MARK3: variants seen among roughly 807,000 people sequenced by gnomAD.
MARK3 encodes microtubule affinity regulating kinase 3, also known as MAP/microtubule affinity-regulating kinase 3.
MARK3 carries 46 observed loss-of-function variants against 90.1 expected under a neutral mutation model. That is an observed-to-expected ratio of 0.51 (90% CI 0.40 to 0.65). MARK3 has a LOEUF of 0.65. Among genes scored for constraint, MARK3 ranks in the 30% least tolerant of loss-of-function variants. The probability of loss-of-function intolerance (pLI) is 0.00; values close to 1 mark genes in which losing one functional copy is unlikely to be tolerated. For missense variants in MARK3, 818 were observed against 947.2 expected, an observed-to-expected ratio of 0.86 and a Z score of 1.79; for synonymous variants, 321 against 332.6, an observed-to-expected ratio of 0.97 and a Z score of 0.38.
chr14:103,417,651 A>G (rs1027564158), intron 2 of MARK3, among the ~76,000 whole-genome samples: 1 of 152,070 alleles, frequency 6.6e-6, no homozygotes, highest in African/African-American at 2.4e-5. Flanking sequence ...AAAAATCTTC[A>G]TTCTGGAATC....
intron 14 of MARK3, among the ~76,000 whole-genome samples, chr14:103,484,641 G>C (rs1249414936): frequency 6.6e-6 from 1 of 152,196 alleles, no homozygotes; most frequent in Non-Finnish European, 1.5e-5. Context: ...TATAAAAGTT[G>C]CTTTTTTTAG....
At chr14:103,390,142 G>A (rs1438968133) in intron 1 of MARK3, among the ~76,000 whole-genome samples, 1 of 151,880 alleles carries the variant, frequency 6.6e-6, no homozygotes, top group Non-Finnish European at 1.5e-5. Flanking sequence ...CAGCTACTCG[G>A]GAGGCTGAGG....
intron 5 of MARK3, 79 bp from the exon 6 acceptor site, chr14:103,457,063 A>G (rs2093292744): frequency 5.8e-6 from 5 of 859,268 alleles, no homozygotes; most frequent in East Asian, 2.5e-5. Flanking sequence ...GAGCATTGCT[A>G]AAAGTGAAAC....
chr14:103,448,896 G>T lies in MARK3; in HGVS notation c.298-23G>T, dbSNP rs138612585. ...ATAACTTGTGTTGGGGGGATTATGT[G>T]TTTTGTTTGTTTTTTTTTTTAGCTC... On this transcript the variant is annotated intron_variant, in intron 3 of 17. Transcript: ENST00000429436. The T allele has an allele frequency of 5.0e-5, 77 of 1,539,390 alleles. No homozygotes were observed. The African/African-American group carries it at 8.9e-4, about 18-fold the overall frequency.
chr14:103,442,951 C>G (rs1375869404), intron 3 of MARK3, among the ~76,000 whole-genome samples: 3 of 148,802 alleles, frequency 2.0e-5, no homozygotes, highest in Admixed American at 1.3e-4. Flanking sequence ...GTCCCCCCCC[C>G]TCCCACCGAC....
intron 10 of MARK3, among the ~76,000 whole-genome samples, 183 bp from the exon 11 acceptor site, chr14:103,466,896 C>T (rs765411365): frequency 2.0e-5 from 3 of 150,616 alleles, no homozygotes; most frequent in African/African-American, 4.9e-5. Context: ...CCCAGCTACT[C>T]GGGAGGCTGA....
Position 103,503,271 on chromosome 14 carries a change from C to T in MARK3, c.*44C>T, listed in dbSNP as rs756873753. The T allele has an allele frequency of 2.8e-5, 40 of 1,422,396 alleles. No individual in the cohort carries two copies. The highest frequency in any genetic ancestry group is 3.8e-5 in the Non-Finnish European group (39 of 1,024,720). 88.1% of individuals were successfully genotyped at this position (1,422,396 alleles called of 1,614,324 possible). ...AATTAAGTAGCAATTAAAGTGTTTT[C>T]CTGAACACTGATGGAAATGTATAGA... On this transcript the variant is annotated 3_prime_UTR_variant, in exon 18 of 18. Transcript: ENST00000429436.
At chr14:103,494,703 C>G (rs1188934279) in intron 15 of MARK3, among the ~76,000 whole-genome samples, 1 of 152,068 alleles carries the variant, frequency 6.6e-6, no homozygotes. Context: ...GTGGCATGAT[C>G]TCAGCCCATG....
At chr14:103,486,611 ATAT>A (rs554044139) in intron 14 of MARK3, among the ~76,000 whole-genome samples, 5 of 151,904 alleles carry the variant, frequency 3.3e-5, no homozygotes, top group African/African-American at 7.2e-5. Flanking sequence ...CTGGGGGGAA[ATAT>A]TATTCGAATT....
At position 103,467,184 on chromosome 14, in the gene MARK3, C is replaced by T. The variant is rs1014056210; in HGVS notation, c.1103C>T (p.Ser368Phe). 18 of 1,538,048 alleles carry T rather than the reference C, an allele frequency of 1.2e-5. No individual in the cohort carries two copies. The highest frequency in any genetic ancestry group is 1.4e-5 in the Non-Finnish European group (16 of 1,116,734). Residue 368 changes from serine (S) to phenylalanine (F), a missense_variant, in exon 11 of 18, where the codon TCT (serine) becomes TTT (phenylalanine). By Grantham distance (155) the Ser-to-Phe change is radical (BLOSUM62 -2). This residue lies in a region of MARK3 where 560 missense variants were observed against 613.5 expected (regional missense o/e 0.91). Transcript: ENST00000429436. Reference protein sequence around the residue: ...TATYLLLGRKSSELDASDSSS... With the variant: ...TATYLLLGRKFSELDASDSSS... ...ACATATTTGTTATTGGGGAGAAAATCTTCAGAGGTAAGAGTAATCAGAAAG... is the reference window on the plus strand; with the variant it reads ...ACATATTTGTTATTGGGGAGAAAATTTTCAGAGGTAAGAGTAATCAGAAAG...
At position 103,460,186 on chromosome 14, in the gene MARK3, C is replaced by T. The variant is rs539032148; in HGVS notation, c.484-2219C>T. 3.8e-3 allele frequency among the ~76,000 whole-genome samples: 532 copies of T among 140,160 alleles called. 1 individual carries two copies. Among genetic ancestry groups the T allele is most frequent in the African/African-American group, 0.013 (507 of 38,638 alleles). The allele number at this position is 140,160 out of a possible 152,430, so 92.0% of individuals were successfully genotyped here. ...CTGCAAGCTCCGCCCCCTGGGTTCA[C>T]GCCATTCTTCTGCCTCAGCCTCCCA... On this transcript the variant is annotated intron_variant, in intron 6 of 17. Coordinates refer to ENST00000429436, the MANE Select transcript of MARK3 (RefSeq NM_001128918.3).
rs1488104707 is a variant in MARK3 at position 103,475,168 on chromosome 14, G to T, written c.1440G>T (p.Lys480Asn). 1 of 1,613,954 alleles carries T rather than the reference G, an allele frequency of 6.2e-7. No individual in the cohort carries two copies. Among genetic ancestry groups the T allele is most frequent in the Non-Finnish European group, 8.5e-7 (1 of 1,180,020 alleles). ...TTGGGAATGCAAGTAATCCTAATAA[G>T]GCGGATATTCCTGAACGCAAGAAAA... ...PMLGNASNPN[K>N]ADIPERKKSS... The change falls in exon 13 of 18, where the codon AAG becomes AAT. Residue 480 changes from lysine to asparagine, a missense_variant. Physicochemically the swap from Lys to Asn is moderately conservative, Grantham distance 94. Coordinates refer to ENST00000429436, the MANE Select transcript of MARK3 (RefSeq NM_001128918.3).
At chr14:103,494,157 C>T (rs1294624825) in intron 15 of MARK3, among the ~76,000 whole-genome samples, 1 of 150,672 alleles carries the variant, frequency 6.6e-6, no homozygotes, top group Non-Finnish European at 1.5e-5. Context: ...TCGCTTGAAC[C>T]TGGGAGGCGG....
chr14:103,488,984 C>T (rs2093976052), intron 14 of MARK3, among the ~76,000 whole-genome samples: 1 of 152,184 alleles, frequency 6.6e-6, no homozygotes, highest in South Asian at 2.1e-4. Context: ...TGTTGAATAC[C>T]TGCCCTGCCA....
chr14:103,433,129 A>G (rs1200160313), intron 3 of MARK3, among the ~76,000 whole-genome samples: 1 of 138,452 alleles, frequency 7.2e-6, no homozygotes, highest in Non-Finnish European at 1.5e-5. Flanking sequence ...CCTGTGACCC[A>G]GGCTGGAGTG....
In MARK3 at chr14:103,385,797, C is replaced by T; in HGVS notation, c.-233C>T. The T allele has an allele frequency of 2.4e-6, 1 of 421,628 alleles. No homozygotes were observed. Among genetic ancestry groups the T allele is most frequent in the Non-Finnish European group, 4.2e-6 (1 of 239,634 alleles). The allele number at this position is 421,628 out of a possible 1,614,324, so 26.1% of individuals were successfully genotyped here. On this transcript the variant is annotated 5_prime_UTR_variant, in exon 1 of 18. Coordinates refer to ENST00000429436, the MANE Select transcript of MARK3 (RefSeq NM_001128918.3). ...CAGGCTCGGCTCCGCCACTGCCGCC[C>T]TCCCGGTCTCCTCGCCTCGGCCGCC...
At position 103,498,491 on chromosome 14, in the gene MARK3, A is replaced by C. The variant is rs778473766; in HGVS notation, c.1845-11A>C. On this transcript the variant is annotated splice_polypyrimidine_tract_variant and intron_variant, in intron 15 of 17. Coordinates refer to ENST00000429436, the MANE Select transcript of MARK3 (RefSeq NM_001128918.3). ...GTTAATTTTTTTTTTTTTTTACTTA[A>C]TTTCTTTTAGAAACATGTCATTCAG... 1.5e-6 allele frequency: 2 copies of C among 1,323,322 alleles called. No homozygotes were observed. Among genetic ancestry groups the C allele is most frequent in the Non-Finnish European group, 2.0e-6 (2 of 1,022,918 alleles). 82.0% of individuals were successfully genotyped at this position (1,323,322 alleles called of 1,614,324 possible). A position where few individuals can be genotyped will look rare whatever the true frequency, so the allele number is the denominator to read the frequency against.
chr14:103,462,517 CAGT>C (rs1307921281), intron 7 of MARK3, 56 bp downstream of exon 7: 1 of 1,338,928 alleles, frequency 7.5e-7, no homozygotes, highest in Admixed American at 1.8e-5. Context: ...GCAGTTCTCT[CAGT>C]GGTCATTACA....
intron 14 of MARK3, among the ~76,000 whole-genome samples, chr14:103,487,777 G>A (rs546525923): frequency 1.3e-4 from 20 of 152,174 alleles, no homozygotes; most frequent in East Asian, 7.8e-4. Flanking sequence ...AGCCAGGCGC[G>A]GTGGCTCACA....
Sources: gnomAD v4.1 joint callset for allele counts (sites outside exome capture counted in the v4.1 genomes callset) on GRCh38, gnomAD v4.1.1 for gene constraint, gnomAD v4.1.1 regional missense constraint, MANE v1.5 for transcripts, NCBI Gene and HGNC (gene_info 2026-07-23, HGNC 2026-07-21) for gene names.